MAST4: variants seen among roughly 807,000 people sequenced by gnomAD.
The protein encoded by MAST4 is microtubule-associated serine/threonine-protein kinase 4.
In MAST4, 89 loss-of-function variants were observed where a neutral mutation model predicts 162.7. The observed-to-expected ratio is 0.55, with a 90% confidence interval of 0.46 to 0.65. The LOEUF (loss-of-function observed/expected upper bound fraction) is 0.65, where lower values mean the gene tolerates loss of function less well. Ranked by LOEUF, MAST4 falls within the 30% of genes least tolerant of loss-of-function variation. The pLI is 0.00. For synonymous variants in MAST4, 1,479 were observed against 1,361.1 expected (o/e 1.09, Z -1.91); for missense variants, 3,153 against 3,374.0 (o/e 0.93, Z 1.62).
intron 4 of MAST4, among the ~76,000 whole-genome samples, chr5:66,994,247 A>C (rs1233715496): frequency 2.0e-5 from 3 of 152,146 alleles, no homozygotes; most frequent in Non-Finnish European, 2.9e-5. Context: ...CATTTTATAC[A>C]GAGTGAAAAC....
At position 67,018,906 on chromosome 5, in the gene MAST4, C is replaced by G. The variant is rs574646510; in HGVS notation, c.675-35498C>G. 2.6e-5 allele frequency among the ~76,000 whole-genome samples: 4 copies of G among 151,984 alleles called. No individual in the cohort carries two copies. In the South Asian group the frequency reaches 8.3e-4, roughly 32 times the overall value. ...TAAATTTTAAATACATGGCTCAAGA[C>G]AAAAAAATGGGGAAAATATTTTTTA... On this transcript the variant is annotated intron_variant, in intron 4 of 28. Transcript: ENST00000403625.
rs1241803779 is a variant in MAST4, at chr5:67,165,205, G to C, written c.6026G>C (p.Ser2009Thr). 6.2e-7 allele frequency: 1 copy of C among 1,610,640 alleles called. No individual in the cohort carries two copies. The highest frequency in any genetic ancestry group is 8.5e-7 in the Non-Finnish European group (1 of 1,178,434). The change falls in exon 29 of 29, where the codon AGT (serine) becomes ACT (threonine). Residue 2009 changes from serine to threonine, a missense_variant. By Grantham distance (58) the Ser-to-Thr change is moderately conservative. Around this residue, in one of 7 missense-constraint regions of MAST4, gnomAD observed 1,644 missense variants for 1,495.0 expected, o/e 1.10. Coordinates refer to ENST00000403625, the MANE Select transcript of MAST4 (RefSeq NM_001164664.2). ...TGCTTTCCAGAAACTGCGAAAACCA[G>C]TGACAACTCCAAAAATCTCCTCTCT... ...ELCFPETAKT[S>T]DNSKNLLSVG...
intron 1 of MAST4, among the ~76,000 whole-genome samples, chr5:66,705,231 T>C (rs1750054023): frequency 6.6e-6 from 1 of 152,214 alleles, no homozygotes; most frequent in African/African-American, 2.4e-5. Context: ...AGACTAAACT[T>C]ACTGTGGTGC....
At chr5:66,919,950 TTCCTTCCTTCCTTCCTTCCTTCC>T (rs746372516) in intron 4 of MAST4, among the ~76,000 whole-genome samples, 8,620 of 133,340 alleles carry the variant, frequency 0.065, 392 homozygotes, top group East Asian at 0.13. Context: ...CCTTCCTTCC[TTCCTTCCTTCCTTCCTTCCTTCC>T]TTCTTTCTCT....
intron 1 of MAST4, among the ~76,000 whole-genome samples, chr5:66,600,778 C>A (rs1742502102): frequency 6.6e-6 from 1 of 152,166 alleles, no homozygotes; most frequent in Non-Finnish European, 1.5e-5. Context: ...ACTCAGAATG[C>A]TTTTGAAGAG....
At chr5:67,077,727 C>T (rs953477809) in intron 5 of MAST4, among the ~76,000 whole-genome samples, 8 of 152,176 alleles carry the variant, frequency 5.3e-5, no homozygotes, top group Admixed American at 1.3e-4. Context: ...TTTGGAAAAG[C>T]GGTAAGCCAG....
Position 67,166,818 on chromosome 5 carries a change from C to A in MAST4, c.7639C>A (p.Arg2547=). 1 of 1,604,494 alleles carries A rather than the reference C, an allele frequency of 6.2e-7. No individual in the cohort carries two copies. Among genetic ancestry groups the A allele is most frequent in the Non-Finnish European group, 8.5e-7 (1 of 1,176,040 alleles). Residue 2547 remains arginine (R), a synonymous_variant, in exon 29 of 29, where the codon CGG becomes AGG. Coordinates refer to ENST00000403625, the MANE Select transcript of MAST4 (RefSeq NM_001164664.2). ...AAACACCATGGGCGGGGCCAGCCAC[C>A]GGGACAGGGCTCTCTCGGTGACTGC... ...DPNTMGGASH[R]DRALSVTATV...
In MAST4 at chr5:66,882,144, C is replaced by T. The variant is rs75796021; in HGVS notation, c.643-17807C>T. 1.0e-2 allele frequency among the ~76,000 whole-genome samples: 1,518 copies of T among 152,276 alleles called. 19 individuals carry two copies. Among genetic ancestry groups the T allele is most frequent in the Non-Finnish European group, 0.014 (932 of 68,014 alleles). On this transcript the variant is annotated intron_variant, in intron 3 of 28. Transcript: ENST00000403625. ...TTTTATTTTATAGATACTCCCTTTC[C>T]ATTACCTCACATACCTTTATCTATT...
intron 4 of MAST4, among the ~76,000 whole-genome samples, chr5:66,936,498 T>G (rs1445781212): frequency 6.6e-6 from 1 of 152,012 alleles, no homozygotes; most frequent in Non-Finnish European, 1.5e-5. Flanking sequence ...TTTATAAGAT[T>G]TGGGTAGGTA....
rs79534376 is a variant in MAST4, at chr5:67,099,953, G to A, written c.913-482G>A. 8.7e-4 allele frequency among the ~76,000 whole-genome samples: 132 copies of A among 152,210 alleles called. 3 individuals are homozygous for A. In the East Asian group the frequency reaches 0.024, roughly 28 times the overall value. ...CTTTAATCCCTCCCGTTTTACTCAT[G>A]CCACACACTGATGCATTGTAAAGAG... On this transcript the variant is annotated intron_variant, in intron 7 of 28. Transcript: ENST00000403625.
intron 2 of MAST4, among the ~76,000 whole-genome samples, chr5:66,763,524 G>A (rs1753945973): frequency 6.6e-6 from 1 of 152,032 alleles, no homozygotes; most frequent in African/African-American, 2.4e-5. Context: ...TATCTAAATA[G>A]CTGGCAAATG....
At chr5:66,604,719 T>C (rs754943074) in intron 1 of MAST4, among the ~76,000 whole-genome samples, 1 of 152,230 alleles carries the variant, frequency 6.6e-6, no homozygotes, top group Non-Finnish European at 1.5e-5. Context: ...GGTGATTTTG[T>C]GCCTCTTTGT....
At chr5:66,796,516 T>C (rs1755655583) in intron 3 of MAST4, among the ~76,000 whole-genome samples, 1 of 152,156 alleles carries the variant, frequency 6.6e-6, no homozygotes. Flanking sequence ...TGCGTGGGTG[T>C]GCCTGGAAAG....
chr5:66,961,954 G>C (rs1438423930), intron 4 of MAST4, among the ~76,000 whole-genome samples: 1 of 152,206 alleles, frequency 6.6e-6, no homozygotes, highest in Non-Finnish European at 1.5e-5. Flanking sequence ...AATGGTCTTA[G>C]AAGATATAAA....
chr5:66,685,718 A>G (rs1748613599), intron 1 of MAST4, among the ~76,000 whole-genome samples: 1 of 152,176 alleles, frequency 6.6e-6, no homozygotes, highest in African/African-American at 2.4e-5. Context: ...TGCTATACAA[A>G]GAGATGTGCT....
At chr5:66,649,278 G>C (rs10447106) in intron 1 of MAST4, among the ~76,000 whole-genome samples, 44,605 of 152,024 alleles carry the variant, frequency 0.29, 6,734 homozygotes, top group African/African-American at 0.35. Flanking sequence ...TTGTCTGTCA[G>C]GTAAATGGAT....
At chr5:67,077,394 CTG>C (rs572281475) in intron 5 of MAST4, among the ~76,000 whole-genome samples, 126 of 152,240 alleles carry the variant, frequency 8.3e-4, no homozygotes, top group African/African-American at 2.8e-3. Context: ...GTTAAGATCA[CTG>C]TTCTAAAGCT....
chr5:66,837,024 A>ATG (rs56366963), intron 3 of MAST4, among the ~76,000 whole-genome samples: 11 of 150,204 alleles, frequency 7.3e-5, no homozygotes, highest in South Asian at 2.1e-4. Flanking sequence ...ATGCAGGATC[A>ATG]TGTGTGTGTG....
At chr5:66,959,119 C>A (rs961786236) in intron 4 of MAST4, 37 of 691,498 alleles carry the variant, frequency 5.4e-5, no homozygotes, top group Non-Finnish European at 3.2e-5. Context: ...CTTGCAGCCT[C>A]CCCCTCCCCC....
Sources: allele counts gnomAD v4.1 joint callset (sites outside exome capture counted in the v4.1 genomes callset), GRCh38; gene constraint gnomAD v4.1.1; regional missense constraint gnomAD v4.1.1; transcripts MANE v1.5; gene names NCBI Gene and HGNC (gene_info 2026-07-23, HGNC 2026-07-21).